Variants in MAP6D1 observed in about 807,000 individuals in gnomAD.
MAP6D1 encodes the protein MAP6 domain containing 1.
Under a neutral mutation model 17.4 loss-of-function variants are expected in MAP6D1, and 13 were observed. That is an observed-to-expected ratio of 0.75 (90% CI 0.49 to 1.19). The LOEUF (loss-of-function observed/expected upper bound fraction) is 1.19, where lower values mean the gene tolerates loss of function less well. MAP6D1 is among the 50% of genes most tolerant of loss of function. The probability of loss-of-function intolerance (pLI) is 0.00; values close to 1 mark genes in which losing one functional copy is unlikely to be tolerated. For missense variants in MAP6D1, 313 were observed against 312.6 expected, an observed-to-expected ratio of 1.00 and a Z score of -0.01; for synonymous variants, 141 against 145.7, an observed-to-expected ratio of 0.97 and a Z score of 0.23.
In MAP6D1 at chr3:183,825,228, G is replaced by GGCGCGGAGGACT; in HGVS notation, c.308_319dup (p.Gln103_Ala106dup). The GGCGCGGAGGACT allele has an allele frequency of 2.1e-6, 3 of 1,422,522 alleles. No homozygotes were observed. Among genetic ancestry groups the GGCGCGGAGGACT allele is most frequent in the East Asian group, 6.1e-5 (2 of 32,828 alleles). 88.1% of individuals were successfully genotyped at this position (1,422,522 alleles called of 1,614,324 possible). A position where few individuals can be genotyped will look rare whatever the true frequency, so the allele number is the denominator to read the frequency against. Reference sequence around the variant, plus strand: ...GACCCCGCGGGCGCCGGGCGCAGGTGGCGCGGAGGACTGCGCGGAGGATTT... The same window carrying GGCGCGGAGGACT: ...GACCCCGCGGGCGCCGGGCGCAGGTGGCGCGGAGGACTGCGCGGAGGACTGCGCGGAGGATTT... On this transcript the variant is annotated inframe_insertion, in exon 1 of 3. Coordinates refer to ENST00000318631, the MANE Select transcript of MAP6D1 (RefSeq NM_024871.4).
At position 183,825,168 on chromosome 3, in the gene MAP6D1, G is replaced by A; in HGVS notation, c.380C>T (p.Ala127Val). ...VLPIGDADAA[A>V]AVTTSYRQEF... ...ATACCTGTACGACGTGGTCACTGCT[G>A]CAGCCGCGTCCGCGTCGCCGATGGG... The change falls in exon 1 of 3, where the codon GCA becomes GTA. Residue 127 changes from alanine to valine, a missense_variant. Ala to Val is a moderately conservative substitution (Grantham distance 64). Coordinates refer to ENST00000318631, the MANE Select transcript of MAP6D1 (RefSeq NM_024871.4). The A allele has an allele frequency of 6.9e-7, 1 of 1,458,926 alleles. No homozygotes were observed. Among genetic ancestry groups the A allele is most frequent in the Non-Finnish European group, 9.1e-7 (1 of 1,103,198 alleles). The allele number at this position is 1,458,926 out of a possible 1,614,324, so 90.4% of individuals were successfully genotyped here.
chr3:183,819,232 A>T (rs905419329), intron 1 of MAP6D1, among the ~76,000 whole-genome samples: 34 of 152,284 alleles, frequency 2.2e-4, no homozygotes, highest in African/African-American at 8.2e-4. Context: ...GTCCATGGCC[A>T]GCACTGGGGT....
chr3:183,825,225 G>A lies in MAP6D1; in HGVS notation c.323C>T (p.Pro108Leu). 9.8e-6 allele frequency: 14 copies of A among 1,426,818 alleles called. No individual in the cohort carries two copies. Among genetic ancestry groups the A allele is most frequent in the East Asian group, 3.0e-5 (1 of 32,864 alleles). The allele number at this position is 1,426,818 out of a possible 1,614,324, so 88.4% of individuals were successfully genotyped here. A position where few individuals can be genotyped will look rare whatever the true frequency, so the allele number is the denominator to read the frequency against. The change falls in exon 1 of 3, where the codon CCT (proline) becomes CTT (leucine). Residue 108 changes from proline (P) to leucine (L), a missense_variant. Coordinates refer to ENST00000318631, the MANE Select transcript of MAP6D1 (RefSeq NM_024871.4). ...GKSSAQSSAP[P>L]APGARGVYVL... ...GTAGACCCCGCGGGCGCCGGGCGCA[G>A]GTGGCGCGGAGGACTGCGCGGAGGA... is the stretch of plus-strand genomic sequence containing the variant.
rs1197357463 is a variant in MAP6D1 at position 183,822,186 on chromosome 3, CG to C, written c.401+2960del. Among the ~76,000 whole-genome samples, 4 of 150,550 alleles carry C rather than the reference CG, an allele frequency of 2.7e-5. No individual in the cohort carries two copies. In the East Asian group the frequency reaches 7.9e-4, roughly 30 times the overall value. ...CTTTGGGAGGCTGAGGCAGGAGGAT[CG>C]CTTGAGCCCAGGAATTTGAGACCAG... On this transcript the variant is annotated intron_variant, in intron 1 of 2. Transcript: ENST00000318631.
chr3:183,825,336 CG>C lies in MAP6D1; in HGVS notation c.211del (p.Arg71GlyfsTer59). 1 of 1,424,096 alleles carries C rather than the reference CG, an allele frequency of 7.0e-7. No individual in the cohort carries two copies. The highest frequency in any genetic ancestry group is 9.2e-7 in the Non-Finnish European group (1 of 1,089,228). 88.2% of individuals were successfully genotyped at this position (1,424,096 alleles called of 1,614,324 possible). A position where few individuals can be genotyped will look rare whatever the true frequency, so the allele number is the denominator to read the frequency against. ...GRDVPLTQYQ[R>X]DFGLWTTPAG... ...GGGCGTGGTCCACAAGCCGAAGTCC[CG>C]CTGGTACTGAGTGAGCGGCACGTCC... On this transcript the variant is annotated frameshift_variant, in exon 1 of 3. Transcript: ENST00000318631. LOFTEE classifies it high-confidence loss of function.
At chr3:183,818,227 T>G in intron 1 of MAP6D1, 116 bp from the exon 2 acceptor site, 1 of 800,736 alleles carries the variant, frequency 1.2e-6, no homozygotes, top group Non-Finnish European at 2.1e-6. Context: ...AACCCTCGGC[T>G]CCAGGCAGTC....
intron 1 of MAP6D1, among the ~76,000 whole-genome samples, chr3:183,821,093 CAAAAAAA>C (rs540724493): frequency 1.0e-5 from 1 of 95,756 alleles, no homozygotes; most frequent in Non-Finnish European, 2.2e-5. Flanking sequence ...GACTCCGTCT[CAAAAAAA>C]AAAAAAAGAA....
chr3:183,816,399 C>T lies in MAP6D1; in HGVS notation c.*957G>A, dbSNP rs193117918. 10 of 152,362 alleles carry T rather than the reference C, an allele frequency of 6.6e-5. No individual in the cohort carries two copies. The highest frequency in any genetic ancestry group is 1.7e-4 in the African/African-American group (7 of 41,572). 9.4% of individuals were successfully genotyped at this position (152,362 alleles called of 1,614,324 possible). ...CCCTCAAACGTGTGAAGGCACCAGG[C>T]GTGACCCATGTGGCCATGCTGGCTG... On this transcript the variant is annotated 3_prime_UTR_variant, in exon 3 of 3. Coordinates refer to ENST00000318631, the MANE Select transcript of MAP6D1 (RefSeq NM_024871.4).
chr3:183,818,176 G>A (rs1394126137), intron 1 of MAP6D1, 65 bp from the exon 2 acceptor site: 64 of 1,375,704 alleles, frequency 4.7e-5, no homozygotes, highest in Non-Finnish European at 6.5e-5. Flanking sequence ...ACTCCCCAGG[G>A]GCTGCTGCTC....
intron 1 of MAP6D1, among the ~76,000 whole-genome samples, chr3:183,822,934 C>T (rs1335133101): frequency 1.3e-5 from 2 of 152,352 alleles, no homozygotes; most frequent in East Asian, 3.9e-4. Flanking sequence ...ACAGTCTGCC[C>T]ATGGAGCGAG....
In MAP6D1 at chr3:183,816,807, T is replaced by C; in HGVS notation, c.*549A>G. 6.5e-6 allele frequency: 1 copy of C among 154,860 alleles called. No individual in the cohort carries two copies. The highest frequency in any genetic ancestry group is 1.4e-5 in the Non-Finnish European group (1 of 69,576). 9.6% of individuals were successfully genotyped at this position (154,860 alleles called of 1,614,324 possible). On this transcript the variant is annotated 3_prime_UTR_variant, in exon 3 of 3. Transcript: ENST00000318631. The stretch of plus-strand genomic sequence containing the variant: ...AAGTGGAAGCCCGTGACTGACGGTC[T>C]GTTTCTTCTGGAAATTTCCTCCTGG...
chr3:183,823,278 G>A (rs930737033), intron 1 of MAP6D1, among the ~76,000 whole-genome samples: 1 of 151,466 alleles, frequency 6.6e-6, no homozygotes, highest in Admixed American at 6.6e-5. Context: ...ACAGGTGTGA[G>A]CCACCATGCC....
chr3:183,825,337 G>C lies in MAP6D1; in HGVS notation c.211C>G (p.Arg71Gly). ...GGCGTGGTCCACAAGCCGAAGTCCC[G>C]CTGGTACTGAGTGAGCGGCACGTCC... ...GRDVPLTQYQRDFGLWTTPAG... is the reference protein window; with the variant it reads ...GRDVPLTQYQGDFGLWTTPAG... Residue 71 changes from arginine to glycine, a missense_variant, in exon 1 of 3, where the codon CGG becomes GGG. By Grantham distance (125) the Arg-to-Gly change is moderately radical (BLOSUM62 -2). Transcript: ENST00000318631. 1 of 1,424,798 alleles carries C rather than the reference G, an allele frequency of 7.0e-7. No homozygotes were observed. Among genetic ancestry groups the C allele is most frequent in the Non-Finnish European group, 9.2e-7 (1 of 1,089,682 alleles). 88.3% of individuals were successfully genotyped at this position (1,424,798 alleles called of 1,614,324 possible).
Position 183,817,336 on chromosome 3 carries a change from T to C in MAP6D1, c.*20A>G. On this transcript the variant is annotated 3_prime_UTR_variant, in exon 3 of 3. Transcript: ENST00000318631. The stretch of plus-strand genomic sequence containing the variant: ...CCCAGCCCTGTCCTGTCGGCAGCCA[T>C]GGTGTCACGGTGCAGGCAGTCACAC... 1 of 1,556,910 alleles carries C rather than the reference T, an allele frequency of 6.4e-7. No individual in the cohort carries two copies. Among genetic ancestry groups the C allele is most frequent in the Non-Finnish European group, 8.7e-7 (1 of 1,150,288 alleles).
intron 1 of MAP6D1, among the ~76,000 whole-genome samples, chr3:183,823,528 G>C (rs1002155452): frequency 6.6e-6 from 1 of 152,170 alleles, no homozygotes; most frequent in Non-Finnish European, 1.5e-5. Flanking sequence ...TTGAACCTAG[G>C]AGGCGGAGGT....
At chr3:183,823,799 A>AT (rs1439453741) in intron 1 of MAP6D1, among the ~76,000 whole-genome samples, 2 of 151,902 alleles carry the variant, frequency 1.3e-5, no homozygotes, top group Non-Finnish European at 2.9e-5. Flanking sequence ...CAAAAAAAAA[A>AT]GTTAAAAAGA....
chr3:183,825,038 G>C, intron 1 of MAP6D1, 109 bp downstream of exon 1: 2 of 1,165,706 alleles, frequency 1.7e-6, no homozygotes, highest in Non-Finnish European at 1.1e-6. Context: ...CGTGGGATCC[G>C]GGCTCCAGGC....
In MAP6D1 at chr3:183,825,224, A is replaced by C. The variant is rs952448599; in HGVS notation, c.324T>G (p.Pro108=). The change falls in exon 1 of 3, where the codon CCT becomes CCG. Residue 108 remains proline, a synonymous_variant. Transcript: ENST00000318631. The stretch of plus-strand genomic sequence containing the variant: ...CGTAGACCCCGCGGGCGCCGGGCGC[A>C]GGTGGCGCGGAGGACTGCGCGGAGG... ...GKSSAQSSAP[P]APGARGVYVL... 1.2e-5 allele frequency: 17 copies of C among 1,427,200 alleles called. No individual in the cohort carries two copies. In the African/African-American group the frequency reaches 2.5e-4, roughly 21 times the overall value. The allele number at this position is 1,427,200 out of a possible 1,614,324, so 88.4% of individuals were successfully genotyped here.
intron 1 of MAP6D1, among the ~76,000 whole-genome samples, chr3:183,820,790 C>T (rs1489832581): frequency 6.6e-6 from 1 of 152,036 alleles, no homozygotes; most frequent in Non-Finnish European, 1.5e-5. Flanking sequence ...GCCTGTAGTC[C>T]CAGCTACTCG....
Sources: gnomAD v4.1 joint callset for allele counts (sites outside exome capture counted in the v4.1 genomes callset) on GRCh38, gnomAD v4.1.1 for gene constraint, MANE v1.5 for transcripts, NCBI Gene and HGNC (gene_info 2026-07-23, HGNC 2026-07-21) for gene names.